Variants in GORAB observed in about 807,000 individuals in gnomAD.
GORAB encodes the protein golgin, RAB6 interacting.
Under a neutral mutation model 29.9 loss-of-function variants are expected in GORAB, and 17 were observed. The observed-to-expected ratio is 0.57, with a 90% CI of 0.39 to 0.85. The LOEUF (loss-of-function observed/expected upper bound fraction) is 0.85. GORAB is among the 40% of genes least tolerant of loss of function. The pLI is 0.00. For synonymous variants in GORAB, 183 were observed against 157.2 expected, an observed-to-expected ratio of 1.16 and a Z score of -1.23; for missense variants, 442 against 437.8, an observed-to-expected ratio of 1.01 and a Z score of -0.09.
chr1:170,543,647 G>A (rs1276774072), intron 3 of GORAB, among the ~76,000 whole-genome samples: 2 of 118,064 alleles, frequency 1.7e-5, no homozygotes, highest in African/African-American at 2.7e-5. Flanking sequence ...TTTTTTTTTG[G>A]TAAGTGATTA....
chr1:170,551,843 C>T (rs1351141991), intron 4 of GORAB, among the ~76,000 whole-genome samples, 172 bp from the exon 5 acceptor site: 1 of 152,206 alleles, frequency 6.6e-6, no homozygotes, highest in African/African-American at 2.4e-5. Flanking sequence ...GTTTCAGCAG[C>T]CATAGCCTAG....
chr1:170,553,015 C>T lies in GORAB; in HGVS notation c.*553C>T. Reference sequence around the variant, plus strand: ...GGAAACTGGAATTTATGTGAAGAACCAAACAACTTAAACCAGCATCACTTT... The same window carrying T: ...GGAAACTGGAATTTATGTGAAGAACTAAACAACTTAAACCAGCATCACTTT... On this transcript the variant is annotated 3_prime_UTR_variant, in exon 5 of 5. Transcript: ENST00000367763. The T allele has an allele frequency of 2.2e-6, 1 of 453,572 alleles. No individual in the cohort carries two copies. The allele number at this position is 453,572 out of a possible 1,614,324, so 28.1% of individuals were successfully genotyped here.
intron 1 of GORAB, among the ~76,000 whole-genome samples, chr1:170,535,737 C>T (rs1448333622): frequency 3.3e-5 from 5 of 150,768 alleles, no homozygotes; most frequent in African/African-American, 1.2e-4. Flanking sequence ...CTTTTTTTTT[C>T]TGTAGGGATA....
chr1:170,544,575 G>T, intron 3 of GORAB, 130 bp from the exon 4 acceptor site: 2 of 647,856 alleles, frequency 3.1e-6, no homozygotes, highest in South Asian at 3.2e-5. Context: ...CAATTTTTCT[G>T]ATTTTTTTCT....
At chr1:170,539,680 C>T in intron 2 of GORAB, 113 bp downstream of exon 2, 1 of 1,121,050 alleles carries the variant, frequency 8.9e-7, no homozygotes. Flanking sequence ...CCTTTATATT[C>T]ATTCAATCAT....
chr1:170,541,009 T>G (rs1649379525), intron 2 of GORAB, among the ~76,000 whole-genome samples: 1 of 151,860 alleles, frequency 6.6e-6, no homozygotes, highest in Non-Finnish European at 1.5e-5. Context: ...TGAAACCAGC[T>G]TGGCCAACAT....
intron 4 of GORAB, among the ~76,000 whole-genome samples, chr1:170,546,034 T>C (rs924176585): frequency 1.3e-5 from 2 of 152,194 alleles, no homozygotes; most frequent in Non-Finnish European, 2.9e-5. Context: ...GGAACATTTT[T>C]ATGCCTTTGT....
intron 3 of GORAB, among the ~76,000 whole-genome samples, chr1:170,543,797 A>C (rs1053763665): frequency 6.6e-6 from 1 of 152,158 alleles, no homozygotes; most frequent in Non-Finnish European, 1.5e-5. Flanking sequence ...ACCAGTATAA[A>C]CAGAAGTGTA....
At chr1:170,545,626 T>C (rs1362042336) in intron 4 of GORAB, 2 of 985,316 alleles carry the variant, frequency 2.0e-6, no homozygotes, top group African/African-American at 3.5e-5. Flanking sequence ...AAGGGAATGC[T>C]GTGTTAATGA....
chr1:170,535,948 A>G (rs913624882), intron 1 of GORAB, among the ~76,000 whole-genome samples: 1 of 152,146 alleles, frequency 6.6e-6, no homozygotes, highest in Non-Finnish European at 1.5e-5. Flanking sequence ...TTAGTATAGT[A>G]GTTACAGGTG....
chr1:170,542,131 T>G (rs1649471226), intron 2 of GORAB, among the ~76,000 whole-genome samples: 1 of 152,224 alleles, frequency 6.6e-6, no homozygotes, highest in Admixed American at 6.5e-5. Flanking sequence ...CAAACCAATT[T>G]TTATTAATCT....
At chr1:170,550,560 G>A (rs1182340770) in intron 4 of GORAB, among the ~76,000 whole-genome samples, 1 of 152,204 alleles carries the variant, frequency 6.6e-6, no homozygotes, top group African/African-American at 2.4e-5. Flanking sequence ...AAGAAGCCTT[G>A]ACCGAAATGG....
intron 4 of GORAB, among the ~76,000 whole-genome samples, chr1:170,547,439 GCTACTGCTGCTACTGCTA>G (rs1400171008): frequency 2.1e-5 from 3 of 142,426 alleles, no homozygotes; most frequent in South Asian, 4.2e-4. Context: ...TGCTACTGCT[GCTACTGCTGCTACTGCTA>G]CTACTGCTAC....
chr1:170,548,382 A>G (rs1289139382), intron 4 of GORAB, among the ~76,000 whole-genome samples: 1 of 152,218 alleles, frequency 6.6e-6, no homozygotes, highest in Non-Finnish European at 1.5e-5. Context: ...ATCTTTTTCC[A>G]TATAAGATAA....
rs1650274548 is a variant in GORAB, at chr1:170,553,713, T to A, written c.*1251T>A. On this transcript the variant is annotated 3_prime_UTR_variant, in exon 5 of 5. Coordinates refer to ENST00000367763, the MANE Select transcript of GORAB (RefSeq NM_152281.3). Reference sequence around the variant, plus strand: ...AGTTGAAAGTATAACATTTTACTACTGACTTCTCTAAACAGAAGCATTTCT... The same window carrying A: ...AGTTGAAAGTATAACATTTTACTACAGACTTCTCTAAACAGAAGCATTTCT... The A allele has an allele frequency of 2.2e-6, 1 of 450,086 alleles. No homozygotes were observed. Among genetic ancestry groups the A allele is most frequent in the Admixed American group, 2.4e-5 (1 of 41,830 alleles). 27.9% of individuals were successfully genotyped at this position (450,086 alleles called of 1,614,324 possible).
In GORAB at chr1:170,546,496, T is replaced by C. The variant is rs531465132; in HGVS notation, c.662+1651T>C. 2.6e-5 allele frequency among the ~76,000 whole-genome samples: 4 copies of C among 152,318 alleles called. No individual in the cohort carries two copies. In the East Asian group the frequency reaches 7.7e-4, roughly 29 times the overall value. ...TATTATATAAGAAATGTCATAGTTT[T>C]AGCCTTCTAAGAACCACAACAAAGA... On this transcript the variant is annotated intron_variant, in intron 4 of 4. Coordinates refer to ENST00000367763, the MANE Select transcript of GORAB (RefSeq NM_152281.3).
Position 170,539,546 on chromosome 1 carries a change from T to C in GORAB, c.398T>C (p.Leu133Ser). The C allele has an allele frequency of 6.2e-7, 1 of 1,614,072 alleles. No individual in the cohort carries two copies. Among genetic ancestry groups the C allele is most frequent in the East Asian group, 2.2e-5 (1 of 44,884 alleles). Residue 133 changes from leucine (L) to serine (S), a missense_variant, in exon 2 of 5, where the codon TTG becomes TCG. Physicochemically the swap from Leu to Ser is moderately radical, Grantham distance 145. Coordinates refer to ENST00000367763, the MANE Select transcript of GORAB (RefSeq NM_152281.3). ...CTACCTCCAAAGCCAGATTGCAAAT[T>C]GGAGAAAAAGAAAGTGGAATTGTTA... ...EILPPKPDCK[L>S]EKKKVELQEK...
intron 1 of GORAB, among the ~76,000 whole-genome samples, chr1:170,534,559 C>T (rs1234807540): frequency 2.6e-5 from 4 of 152,092 alleles, no homozygotes; most frequent in African/African-American, 4.8e-5. Context: ...CAGTTAGCAG[C>T]GGACCACATA....
Position 170,539,249 on chromosome 1 carries a change from G to A in GORAB, c.101G>A (p.Ser34Asn). The A allele has an allele frequency of 6.2e-7, 1 of 1,614,136 alleles. No homozygotes were observed. Residue 34 changes from serine to asparagine, a missense_variant, in exon 2 of 5, where the codon AGT becomes AAT. Ser to Asn is a conservative substitution (Grantham distance 46). Coordinates refer to ENST00000367763, the MANE Select transcript of GORAB (RefSeq NM_152281.3). Reference sequence around the variant, plus strand: ...CAGCGACGTCTCCCCGCGAAGAAAAGTCGACAACAACTTCAGCGAGAAAAA... The same window carrying A: ...CAGCGACGTCTCCCCGCGAAGAAAAATCGACAACAACTTCAGCGAGAAAAA... ...EPQRRLPAKK[S>N]RQQLQREKAL...
Sources: gnomAD v4.1 joint callset for allele counts (sites outside exome capture counted in the v4.1 genomes callset) on GRCh38, gnomAD v4.1.1 for gene constraint, MANE v1.5 for transcripts, NCBI Gene and HGNC (gene_info 2026-07-23, HGNC 2026-07-21) for gene names.